The following KRT39 variants were observed in gnomAD, a reference collection of about 807,000 sequenced individuals.
KRT39 encodes keratin 39.
In KRT39, 47 loss-of-function variants were observed where a neutral mutation model predicts 54.8. That is an observed-to-expected ratio of 0.86 (90% CI 0.68 to 1.09). The LOEUF (loss-of-function observed/expected upper bound fraction) is 1.09. Ranked by LOEUF, KRT39 falls within the 50% of genes least tolerant of loss-of-function variation. The pLI is 0.00. For synonymous variants in KRT39, 207 were observed against 227.9 expected, an observed-to-expected ratio of 0.91 and a Z score of 0.83; for missense variants, 580 against 598.5, an observed-to-expected ratio of 0.97 and a Z score of 0.32.
rs964050049 is a variant in KRT39 at position 40,960,601 on chromosome 17, C to A, written c.997-100G>T. 13 of 780,070 alleles carry A rather than the reference C, an allele frequency of 1.7e-5. No homozygotes were observed. The African/African-American group carries it at 1.9e-4, about 11-fold the overall frequency. 48.3% of individuals were successfully genotyped at this position (780,070 alleles called of 1,614,324 possible). ...AAAAAATGGTTTCTTTGTGACACTA[C>A]TGATAGATCTCCAAGCACTTTATTT... On this transcript the variant is annotated intron_variant, in intron 5 of 6. Transcript: ENST00000355612.
Position 40,966,624 on chromosome 17 carries a change from G to T in KRT39, c.233C>A (p.Ala78Asp). The change falls in exon 1 of 7, where the codon GCC becomes GAC. Residue 78 changes from alanine to aspartate, a missense_variant. By Grantham distance (126) the Ala-to-Asp change is moderately radical (BLOSUM62 -2). Coordinates refer to ENST00000355612, the MANE Select transcript of KRT39 (RefSeq NM_213656.4). ...GCTGCAGTCATCCAGAGAAAAACGG[G>T]CATTGAAGTTGTTCATTAGGTAGAT... ...KPIYLMNNFN[A>D]RFSLDDCSWY... is the part of the protein sequence containing the mutation. 1 of 1,614,164 alleles carries T rather than the reference G, an allele frequency of 6.2e-7. No homozygotes were observed. Among genetic ancestry groups the T allele is most frequent in the Non-Finnish European group, 8.5e-7 (1 of 1,180,022 alleles).
At chr17:40,959,472 T>G (rs1347888501) in intron 6 of KRT39, among the ~76,000 whole-genome samples, 4 of 152,232 alleles carry the variant, frequency 2.6e-5, no homozygotes, top group Non-Finnish European at 5.9e-5. Context: ...CAGTTCATAG[T>G]AAACACTCTT....
intron 5 of KRT39, among the ~76,000 whole-genome samples, chr17:40,961,645 G>T (rs1300009535): frequency 2.0e-5 from 3 of 152,110 alleles, no homozygotes; most frequent in Non-Finnish European, 4.4e-5. Flanking sequence ...AAAATAGGTG[G>T]GCTGAAACTT....
intron 1 of KRT39, 111 bp downstream of exon 1, chr17:40,966,278 C>CA (rs1911389027): frequency 7.2e-6 from 6 of 836,286 alleles, no homozygotes; most frequent in African/African-American, 1.7e-5. Flanking sequence ...TTCTATTCTT[C>CA]AAAAAAATTT....
chr17:40,958,799 G>A lies in KRT39; in HGVS notation c.1278C>T (p.Ser426=), dbSNP rs151235183. 4.5e-5 allele frequency: 73 copies of A among 1,613,372 alleles called. No individual in the cohort carries two copies. Among genetic ancestry groups the A allele is most frequent in the Middle Eastern group, 1.6e-4 (1 of 6,074 alleles). Residue 426 remains serine, a synonymous_variant, in exon 7 of 7, where the codon TCC becomes TCT. Coordinates refer to ENST00000355612, the MANE Select transcript of KRT39 (RefSeq NM_213656.4). ...CTGGGGCCGTGCTTTCTATGGCTCCGGACTTACAAGATGTCCAAGGGGAAG... is the reference window on the plus strand; with the variant it reads ...CTGGGGCCGTGCTTTCTATGGCTCCAGACTTACAAGATGTCCAAGGGGAAG... The part of the protein sequence containing the change: ...CEPSPWTSCK[S]GAIESTAPAC...
At chr17:40,964,258 A>G in intron 2 of KRT39, 188 bp downstream of exon 2, 1 of 600,358 alleles carries the variant, frequency 1.7e-6, no homozygotes, top group Non-Finnish European at 3.0e-6. Context: ...GTTAGAAACT[A>G]TAGGTACTGT....
rs17843021 is a variant in KRT39, at chr17:40,960,476, G to A, written c.1022C>T (p.Thr341Met). The change falls in exon 6 of 7, where the codon ACG becomes ATG. Residue 341 changes from threonine to methionine, a missense_variant. Thr to Met is a moderately conservative substitution (Grantham distance 81). Coordinates refer to ENST00000355612, the MANE Select transcript of KRT39 (RefSeq NM_213656.4). The part of the protein sequence containing the change: ...RMRDSQECIL[T>M]ETEARYTALL... Reference sequence around the variant, plus strand: ...GGCCGTGTAGCGAGCCTCTGTCTCCGTTAGGATGCACTCTTGGGAATCTCT... The same window carrying A: ...GGCCGTGTAGCGAGCCTCTGTCTCCATTAGGATGCACTCTTGGGAATCTCT... The A allele has an allele frequency of 0.13, 207,687 of 1,613,262 alleles. 13,836 individuals are homozygous for A. The highest frequency in any genetic ancestry group is 0.14 in the African/African-American group (10,778 of 74,908).
chr17:40,966,003 C>T (rs1307660174), intron 1 of KRT39, among the ~76,000 whole-genome samples: 1 of 152,278 alleles, frequency 6.6e-6, no homozygotes, highest in East Asian at 1.9e-4. Context: ...CCACCTCAGC[C>T]TCCCAAGTAG....
At position 40,960,290 on chromosome 17, in the gene KRT39, G is replaced by A. The variant is rs762707953; in HGVS notation, c.1208C>T (p.Ser403Leu). The change falls in exon 6 of 7, where the codon TCG (serine) becomes TTG (leucine). Residue 403 changes from serine (S) to leucine (L), a missense_variant. Transcript: ENST00000355612. ...CTGTTATTTTACATACTTGCCATCC[G>A]AGCTCTCCAGAAGGCTGCGGTATGT... is the stretch of plus-strand genomic sequence containing the variant. The part of the protein sequence containing the change: ...ITTYRSLLES[S>L]DGKRPCYPRA... 2.0e-5 allele frequency: 32 copies of A among 1,612,046 alleles called. No individual in the cohort carries two copies. The highest frequency in any genetic ancestry group is 1.8e-4 in the Middle Eastern group (1 of 5,654).
Position 40,966,426 on chromosome 17 carries a change from A to C in KRT39, c.431T>G (p.Leu144Arg). ...KELPVLCPDY[L>R]SYYTTIEELQ... ...CTCCTCAATGGTAGTGTAGTAAGACAGGTAATCAGGACATAGAACAGGGAG... is the reference window on the plus strand; with the variant it reads ...CTCCTCAATGGTAGTGTAGTAAGACCGGTAATCAGGACATAGAACAGGGAG... The change falls in exon 1 of 7, where the codon CTG becomes CGG. Residue 144 changes from leucine (L) to arginine (R), a missense_variant. Transcript: ENST00000355612. 6.2e-7 allele frequency: 1 copy of C among 1,614,132 alleles called. No homozygotes were observed. The highest frequency in any genetic ancestry group is 1.6e-4 in the Middle Eastern group (1 of 6,062).
At chr17:40,958,948 C>G (rs906970496) in intron 6 of KRT39, 89 bp from the exon 7 acceptor site, 7 of 1,277,738 alleles carry the variant, frequency 5.5e-6, no homozygotes, top group Non-Finnish European at 7.6e-6. Context: ...TTTTTTAACA[C>G]GTGTTGCTCA....
At chr17:40,960,810 A>T (rs950237371) in intron 5 of KRT39, 3 of 417,388 alleles carry the variant, frequency 7.2e-6, no homozygotes, top group Non-Finnish European at 1.3e-5. Flanking sequence ...GAGAAAAAAT[A>T]ATAACTTAAT....
At chr17:40,964,353 A>G (rs979432439) in intron 2 of KRT39, 93 bp downstream of exon 2, 9 of 971,170 alleles carry the variant, frequency 9.3e-6, no homozygotes, top group African/African-American at 1.6e-5. Flanking sequence ...CTGGGGCAAG[A>G]GGGTTAGTAG....
At position 40,960,280 on chromosome 17, in the gene KRT39, C is replaced by T. The variant is rs1302499976; in HGVS notation, c.1217+1G>A. 6.2e-7 allele frequency: 1 copy of T among 1,610,750 alleles called. No individual in the cohort carries two copies. The highest frequency in any genetic ancestry group is 1.7e-5 in the Admixed American group (1 of 60,018). On this transcript the variant is annotated splice_donor_variant, in intron 6 of 6. Coordinates refer to ENST00000355612, the MANE Select transcript of KRT39 (RefSeq NM_213656.4). LOFTEE classifies it high-confidence loss of function. ...ATAGAAGTTGCTGTTATTTTACATA[C>T]TTGCCATCCGAGCTCTCCAGAAGGC...
chr17:40,963,792 A>G lies in KRT39; in HGVS notation c.552-9T>C. The G allele has an allele frequency of 6.4e-7, 1 of 1,566,160 alleles. No homozygotes were observed. ...ACACCTCAGCTTCGTATCTTTAAAA[A>G]CCAGATGGGAAAAGAGAGACATCTG... On this transcript the variant is annotated splice_polypyrimidine_tract_variant and intron_variant, in intron 2 of 6. Transcript: ENST00000355612.
At chr17:40,963,938 G>A (rs1401154699) in intron 2 of KRT39, among the ~76,000 whole-genome samples, 155 bp from the exon 3 acceptor site, 1 of 152,224 alleles carries the variant, frequency 6.6e-6, no homozygotes, top group Non-Finnish European at 1.5e-5. Context: ...ATTTGATATA[G>A]ATCATAACTT....
chr17:40,962,513 C>A lies in KRT39; in HGVS notation c.759G>T (p.Val253=). The change falls in exon 4 of 7, where the codon GTG becomes GTT. Residue 253 remains valine, a synonymous_variant. Coordinates refer to ENST00000355612, the MANE Select transcript of KRT39 (RefSeq NM_213656.4). ...CQLGERLDIE[V]TAAPSADLNQ... ...TTAGGTCAGCAGAAGGGGCAGCAGTCACTTCAATGTCAAGTCTCTCCCCAA... is the reference window on the plus strand; with the variant it reads ...TTAGGTCAGCAGAAGGGGCAGCAGTAACTTCAATGTCAAGTCTCTCCCCAA... 6.2e-7 allele frequency: 1 copy of A among 1,614,152 alleles called. No homozygotes were observed. Among genetic ancestry groups the A allele is most frequent in the Non-Finnish European group, 8.5e-7 (1 of 1,180,018 alleles).
chr17:40,964,999 A>G (rs1255842994), intron 1 of KRT39, among the ~76,000 whole-genome samples: 1 of 151,946 alleles, frequency 6.6e-6, no homozygotes, highest in East Asian at 1.9e-4. Flanking sequence ...GATCAAGACC[A>G]TCCTGGCTAA....
At position 40,962,468 on chromosome 17, in the gene KRT39, C is replaced by T. The variant is rs1911195365; in HGVS notation, c.804G>A (p.Met268Ile). 6.2e-7 allele frequency: 1 copy of T among 1,614,200 alleles called. No homozygotes were observed. Among genetic ancestry groups the T allele is most frequent in the Non-Finnish European group, 8.5e-7 (1 of 1,180,036 alleles). ...CCATGATGGGCTCATATTGACATCTCATTTCTTGTAGAACCTGGTTTAGGT... is the reference window on the plus strand; with the variant it reads ...CCATGATGGGCTCATATTGACATCTTATTTCTTGTAGAACCTGGTTTAGGT... ...SADLNQVLQE[M>I]RCQYEPIMET... Residue 268 changes from methionine (M) to isoleucine (I), a missense_variant, in exon 4 of 7, where the codon ATG becomes ATA. Met to Ile is a conservative substitution (Grantham distance 10). Coordinates refer to ENST00000355612, the MANE Select transcript of KRT39 (RefSeq NM_213656.4).
Sources: gnomAD v4.1 joint callset for allele counts (sites outside exome capture counted in the v4.1 genomes callset) on GRCh38, gnomAD v4.1.1 for gene constraint, MANE v1.5 for transcripts, NCBI Gene and HGNC (gene_info 2026-07-23, HGNC 2026-07-21) for gene names.